Variants in RAB11FIP3 observed in about 807,000 individuals in gnomAD.
RAB11FIP3 encodes rab11 family-interacting protein 3.
Under a neutral mutation model 77.8 loss-of-function variants are expected in RAB11FIP3, and 17 were observed. The observed-to-expected ratio is 0.22, with a 90% CI of 0.15 to 0.33. The LOEUF (loss-of-function observed/expected upper bound fraction) is 0.33, where lower values mean the gene tolerates loss of function less well. RAB11FIP3 is among the 10% of genes least tolerant of loss of function. RAB11FIP3 has a pLI of 1.00. For synonymous variants in RAB11FIP3, 437 were observed against 448.2 expected, an observed-to-expected ratio of 0.98 and a Z score of 0.31; for missense variants, 1,005 against 1,011.2, an observed-to-expected ratio of 0.99 and a Z score of 0.08.
rs553806464 is a variant in RAB11FIP3, at chr16:464,915, C to T, written c.808+3418C>T. 3.9e-5 allele frequency among the ~76,000 whole-genome samples: 6 copies of T among 152,286 alleles called. No homozygotes were observed. The East Asian group carries it at 9.6e-4, about 24-fold the overall frequency. Reference sequence around the variant, plus strand: ...AACAAACAAAACAAAAAAAACTTGCCATTAATTCCAAACAGAATTTTGTGT... The same window carrying T: ...AACAAACAAAACAAAAAAAACTTGCTATTAATTCCAAACAGAATTTTGTGT... On this transcript the variant is annotated intron_variant, in intron 2 of 13. Coordinates refer to ENST00000262305, the MANE Select transcript of RAB11FIP3 (RefSeq NM_014700.4).
intron 3 of RAB11FIP3, among the ~76,000 whole-genome samples, chr16:478,701 C>A (rs1028236093): frequency 1.3e-5 from 2 of 152,206 alleles, no homozygotes; most frequent in South Asian, 2.1e-4. Context: ...CACGGTGGCT[C>A]ACGCCTATAA....
intron 1 of RAB11FIP3, among the ~76,000 whole-genome samples, chr16:447,918 G>A (rs564918291): frequency 3.3e-5 from 5 of 152,100 alleles, no homozygotes; most frequent in African/African-American, 1.2e-4. Context: ...ACAACAGGAC[G>A]GGCCAGGCAC....
At chr16:441,176 A>G (rs1231850263) in intron 1 of RAB11FIP3, among the ~76,000 whole-genome samples, 1 of 152,078 alleles carries the variant, frequency 6.6e-6, no homozygotes, top group East Asian at 1.9e-4. Context: ...TTCTTACCTC[A>G]GGTGATCCAC....
intron 1 of RAB11FIP3, among the ~76,000 whole-genome samples, chr16:440,686 T>TAAA (rs2055210561): frequency 6.6e-6 from 1 of 152,268 alleles, no homozygotes; most frequent in Admixed American, 6.5e-5. Flanking sequence ...GATGCTTTTA[T>TAAA]CCCTTATGGG....
intron 2 of RAB11FIP3, among the ~76,000 whole-genome samples, chr16:464,940 T>C (rs139487443): frequency 3.9e-5 from 6 of 152,144 alleles, no homozygotes; most frequent in Admixed American, 6.5e-5. Flanking sequence ...GAATTTTGTG[T>C]GTAATAGAGA....
chr16:479,425 A>G (rs1411126023), intron 3 of RAB11FIP3, among the ~76,000 whole-genome samples: 1 of 152,042 alleles, frequency 6.6e-6, no homozygotes, highest in Non-Finnish European at 1.5e-5. Context: ...AGTAAAAACA[A>G]TTGGTTGCGA....
rs373091536 is a variant in RAB11FIP3 at position 463,730 on chromosome 16, G to A, written c.808+2233G>A. ...TGGGGTTACAGACATGAGCCACTGCGCCCGGCCTGTTCCCCATTTGTTACT... is the reference window on the plus strand; with the variant it reads ...TGGGGTTACAGACATGAGCCACTGCACCCGGCCTGTTCCCCATTTGTTACT... On this transcript the variant is annotated intron_variant, in intron 2 of 13. Transcript: ENST00000262305. 5.3e-5 allele frequency among the ~76,000 whole-genome samples: 8 copies of A among 152,236 alleles called. No homozygotes were observed. In the East Asian group the frequency reaches 9.7e-4, roughly 18 times the overall value.
intron 1 of RAB11FIP3, among the ~76,000 whole-genome samples, chr16:429,657 A>G (rs2055005216): frequency 6.6e-6 from 1 of 151,784 alleles, no homozygotes; most frequent in South Asian, 2.1e-4. Flanking sequence ...CCGTCACCAC[A>G]CCTGGCTATT....
intron 9 of RAB11FIP3, among the ~76,000 whole-genome samples, chr16:511,937 C>T (rs1466823740): frequency 2.7e-5 from 4 of 146,922 alleles, no homozygotes; most frequent in Admixed American, 6.8e-5. Flanking sequence ...CCCGACGGCC[C>T]GCCCACCCCA....
At chr16:448,667 C>CG (rs2055357024) in intron 1 of RAB11FIP3, among the ~76,000 whole-genome samples, 1 of 145,816 alleles carries the variant, frequency 6.9e-6, no homozygotes, top group Admixed American at 7.1e-5. Flanking sequence ...ACCCAGGAGG[C>CG]GGAGCTTGCA....
intron 6 of RAB11FIP3, among the ~76,000 whole-genome samples, chr16:499,407 G>C (rs1416499829): frequency 2.0e-5 from 3 of 152,196 alleles, no homozygotes; most frequent in Non-Finnish European, 2.9e-5. Context: ...CCCGTGCCTA[G>C]GATGGGGCGC....
intron 2 of RAB11FIP3, among the ~76,000 whole-genome samples, chr16:468,029 A>G (rs1383384857): frequency 3.9e-5 from 1 of 25,810 alleles, no homozygotes; most frequent in African/African-American, 1.3e-4. Flanking sequence ...GGTGCAGGGA[A>G]GTCAGGGAGG....
At chr16:469,834 C>T (rs1005615903) in intron 2 of RAB11FIP3, among the ~76,000 whole-genome samples, 53 of 151,188 alleles carry the variant, frequency 3.5e-4, no homozygotes, top group Admixed American at 3.0e-3. Flanking sequence ...CTCCACTTTT[C>T]TTTTTTCTTC....
At chr16:464,608 A>G (rs945141346) in intron 2 of RAB11FIP3, among the ~76,000 whole-genome samples, 3 of 152,148 alleles carry the variant, frequency 2.0e-5, no homozygotes, top group Admixed American at 6.5e-5. Context: ...TGAAAAATCC[A>G]TTATGGGCCA....
intron 1 of RAB11FIP3, among the ~76,000 whole-genome samples, chr16:448,937 A>G (rs2055363140): frequency 6.6e-6 from 1 of 152,062 alleles, no homozygotes; most frequent in Non-Finnish European, 1.5e-5. Context: ...AATAACATAA[A>G]TAAGTAAATA....
Position 467,356 on chromosome 16 carries a change from TGAGCTGACTGCA to T in RAB11FIP3, c.809-3923_809-3912del, listed in dbSNP as rs1391763082. On this transcript the variant is annotated intron_variant, in intron 2 of 13. Coordinates refer to ENST00000262305, the MANE Select transcript of RAB11FIP3 (RefSeq NM_014700.4). Reference sequence around the variant, plus strand: ...AGAGCTGGTGTGAGGGGTGGGACACTGAGCTGACTGCAGAGCTGACTGCAGAGTGGAGTGGGC... The same window carrying T: ...AGAGCTGGTGTGAGGGGTGGGACACTGAGCTGACTGCAGAGTGGAGTGGGC... Among the ~76,000 whole-genome samples, 6 of 151,936 alleles carry T rather than the reference TGAGCTGACTGCA, an allele frequency of 3.9e-5. No homozygotes were observed. In the East Asian group the frequency reaches 7.7e-4, roughly 20 times the overall value.
chr16:479,247 C>T (rs563625657), intron 3 of RAB11FIP3, among the ~76,000 whole-genome samples: 44 of 152,146 alleles, frequency 2.9e-4, no homozygotes, highest in African/African-American at 9.4e-4. Flanking sequence ...ACAAAATCAG[C>T]GAGGTGTGGT....
intron 1 of RAB11FIP3, among the ~76,000 whole-genome samples, chr16:429,546 C>G (rs2055003069): frequency 6.6e-6 from 1 of 151,188 alleles, no homozygotes; most frequent in African/African-American, 2.4e-5. Context: ...GTCGCCCAGG[C>G]TGGAGTGCAA....
chr16:464,707 G>A (rs1299114188), intron 2 of RAB11FIP3, among the ~76,000 whole-genome samples: 1 of 152,148 alleles, frequency 6.6e-6, no homozygotes, highest in Non-Finnish European at 1.5e-5. Flanking sequence ...ACCAGCCTGG[G>A]CAACATAGTG....
Sources: gnomAD v4.1 joint callset for allele counts (sites outside exome capture counted in the v4.1 genomes callset) on GRCh38, gnomAD v4.1.1 for gene constraint, MANE v1.5 for transcripts, NCBI Gene and HGNC (gene_info 2026-07-23, HGNC 2026-07-21) for gene names.